Variants in C14orf39 observed in about 807,000 individuals in gnomAD.
C14orf39 encodes chromosome 14 open reading frame 39.
In C14orf39, 66 loss-of-function variants were observed where a neutral mutation model predicts 85.6. The ratio of observed to expected loss-of-function variants is 0.77; its 90% CI spans 0.63 to 0.95. The LOEUF (loss-of-function observed/expected upper bound fraction) is 0.95. Among genes scored for constraint, C14orf39 ranks in the 40% least tolerant of loss-of-function variants. The probability of loss-of-function intolerance (pLI) is 0.00; values close to 1 mark genes in which losing one functional copy is unlikely to be tolerated. For synonymous variants in C14orf39, 242 were observed against 214.0 expected (o/e 1.13, Z -1.14); for missense variants, 735 against 663.9 (o/e 1.11, Z -1.18).
chr14:60,454,298 A>C (rs1891166645), intron 16 of C14orf39, among the ~76,000 whole-genome samples: 1 of 151,970 alleles, frequency 6.6e-6, no homozygotes, highest in African/African-American at 2.4e-5. Context: ...ATTAAAACTT[A>C]TGTAGGATTA....
At chr14:60,509,903 C>A in intron 1 of C14orf39, 1 of 1,612,586 alleles carries the variant, frequency 6.2e-7, no homozygotes, top group Non-Finnish European at 8.5e-7. Flanking sequence ...CGGACTGACC[C>A]CTACGCAGGT....
chr14:60,472,671 AAT>A (rs1892156832), intron 5 of C14orf39, among the ~76,000 whole-genome samples: 1 of 151,842 alleles, frequency 6.6e-6, no homozygotes, highest in Admixed American at 6.6e-5. Flanking sequence ...TTGTCCTTGC[AAT>A]AATAGTTTGC....
At chr14:60,441,451 G>A (rs1029045725) in intron 17 of C14orf39, among the ~76,000 whole-genome samples, 5 of 151,972 alleles carry the variant, frequency 3.3e-5, no homozygotes, top group Non-Finnish European at 5.9e-5. Context: ...ACAACATAAA[G>A]GTAATATTAG....
chr14:60,450,844 A>T (rs1890997838), intron 16 of C14orf39, among the ~76,000 whole-genome samples: 1 of 152,140 alleles, frequency 6.6e-6, no homozygotes. Flanking sequence ...GGAAAATAAC[A>T]AGTCTCTGCC....
intron 16 of C14orf39, among the ~76,000 whole-genome samples, chr14:60,449,760 T>C (rs565032884): frequency 6.6e-6 from 1 of 152,332 alleles, no homozygotes; most frequent in South Asian, 2.1e-4. Context: ...TAGTTCTTCT[T>C]TCTCTAGATT....
intron 13 of C14orf39, among the ~76,000 whole-genome samples, chr14:60,459,233 C>T (rs895935274): frequency 2.6e-5 from 4 of 151,696 alleles, no homozygotes; most frequent in Non-Finnish European, 4.4e-5. Context: ...CTTATTTTTA[C>T]TGATGTAAAG....
At chr14:60,462,560 T>C (rs1181203869) in intron 11 of C14orf39, among the ~76,000 whole-genome samples, 1 of 152,152 alleles carries the variant, frequency 6.6e-6, no homozygotes, top group Non-Finnish European at 1.5e-5. Context: ...ATTTTTGTTA[T>C]AACAGACATT....
Position 60,484,977 on chromosome 14 carries a change from A to G in C14orf39, c.50-40T>C, listed in dbSNP as rs750389374. 1 of 1,581,066 alleles carries G rather than the reference A, an allele frequency of 6.3e-7. No homozygotes were observed. The highest frequency in any genetic ancestry group is 1.9e-5 in the Admixed American group (1 of 52,166). ...TATCTTGTGACTTCAATTCATTGTT[A>G]AAATATCAAATGATCATACAAAAAG... On this transcript the variant is annotated intron_variant, in intron 2 of 17. Coordinates refer to ENST00000321731, the MANE Select transcript of C14orf39 (RefSeq NM_174978.3). The surrounding 1 kb of genome is among the most constrained non-coding windows in gnomAD (Gnocchi z 4.2).
chr14:60,467,470 G>A (rs562173794), intron 9 of C14orf39, among the ~76,000 whole-genome samples: 1 of 151,662 alleles, frequency 6.6e-6, no homozygotes, highest in African/African-American at 2.4e-5. Flanking sequence ...TCATAAATGG[G>A]TCTTTTAAGT....
chr14:60,446,845 T>C (rs1490413929), intron 16 of C14orf39, among the ~76,000 whole-genome samples: 2 of 152,152 alleles, frequency 1.3e-5, no homozygotes, highest in Non-Finnish European at 2.9e-5. Flanking sequence ...AAAAAGTTTA[T>C]CCACCACAAT....
intron 1 of C14orf39, among the ~76,000 whole-genome samples, chr14:60,507,340 G>C (rs1028724556): frequency 4.6e-5 from 7 of 152,156 alleles, no homozygotes; most frequent in African/African-American, 1.4e-4. Context: ...CTCCGCCTGC[G>C]TGTTCGGGGC....
chr14:60,502,317 T>C (rs534649453), intron 1 of C14orf39, among the ~76,000 whole-genome samples: 2 of 152,040 alleles, frequency 1.3e-5, no homozygotes, highest in South Asian at 2.1e-4. Context: ...AAAGGGAACA[T>C]AAATATGAAT....
intron 1 of C14orf39, among the ~76,000 whole-genome samples, chr14:60,507,048 AGCTAGGC>A (rs1481923519): frequency 6.6e-6 from 1 of 152,114 alleles, no homozygotes; most frequent in Non-Finnish European, 1.5e-5. Flanking sequence ...CCACCTCAGC[AGCTAGGC>A]GCTGGGATCG....
intron 2 of C14orf39, chr14:60,496,330 C>T (rs117594974): frequency 0.012 from 4,181 of 359,440 alleles, 44 homozygotes; most frequent in Non-Finnish European, 0.017. Flanking sequence ...CCTTGTTGCC[C>T]CATAGTGCCT....
intron 16 of C14orf39, among the ~76,000 whole-genome samples, chr14:60,446,401 T>C (rs907070100): frequency 6.6e-6 from 1 of 152,124 alleles, no homozygotes; most frequent in African/African-American, 2.4e-5. Context: ...CAAAGTACCA[T>C]CAGAGAATAC....
chr14:60,437,666 A>C (rs1890320307), intron 17 of C14orf39, among the ~76,000 whole-genome samples: 1 of 152,006 alleles, frequency 6.6e-6, no homozygotes, highest in Non-Finnish European at 1.5e-5. Flanking sequence ...TGTCCAGTGA[A>C]GACATAATGA....
At chr14:60,487,794 C>CT (rs1364801427), upstream of C14orf39, among the ~76,000 whole-genome samples, 3 of 151,990 alleles carry the variant, frequency 2.0e-5, no homozygotes, top group African/African-American at 4.8e-5. Flanking sequence ...CACTTGTTGC[C>CT]TTTTTTATCA....
intron 1 of C14orf39, chr14:60,511,166 G>T (rs1411963750): frequency 1.9e-6 from 3 of 1,611,846 alleles, no homozygotes; most frequent in South Asian, 1.1e-5. Context: ...GCTGGGCGTC[G>T]CCACCAGCCC....
At chr14:60,476,017 AG>A (rs1208507609) in intron 5 of C14orf39, among the ~76,000 whole-genome samples, 1 of 152,164 alleles carries the variant, frequency 6.6e-6, no homozygotes, top group African/African-American at 2.4e-5. Flanking sequence ...TAAGGATAAC[AG>A]CCCTGTGCTA....
Sources: gnomAD v4.1 joint callset for allele counts (sites outside exome capture counted in the v4.1 genomes callset) on GRCh38, gnomAD v4.1.1 for gene constraint, Gnocchi (gnomAD v3.1) non-coding constraint, MANE v1.5 for transcripts, NCBI Gene and HGNC (gene_info 2026-07-23, HGNC 2026-07-21) for gene names.